The following DOCK10 variants were observed in gnomAD, a reference collection of about 807,000 sequenced individuals.
DOCK10 encodes the protein dedicator of cytokinesis 10, also known as dedicator of cytokinesis protein 10.
DOCK10 carries 145 observed loss-of-function variants against 280.1 expected under a neutral mutation model. The ratio of observed to expected loss-of-function variants is 0.52; its 90% CI spans 0.45 to 0.59. The LOEUF is 0.59. DOCK10 is among the 20% of genes least tolerant of loss of function. The pLI, the probability that DOCK10 is intolerant of heterozygous loss-of-function variation, is 0.00. For missense variants in DOCK10, 2,368 were observed against 2,651.7 expected (o/e 0.89, Z 2.35); for synonymous variants, 915 against 942.2 (o/e 0.97, Z 0.53).
At chr2:224,833,750 G>A (rs1559515605) in intron 26 of DOCK10, among the ~76,000 whole-genome samples, 2 of 151,922 alleles carry the variant, frequency 1.3e-5, no homozygotes, top group African/African-American at 4.8e-5. Flanking sequence ...GGGTTCAAGC[G>A]ATTCCCCTGC....
chr2:224,876,072 C>G lies in DOCK10; in HGVS notation c.897G>C (p.Gly299=). Residue 299 remains glycine, a synonymous_variant, in exon 8 of 56, where the codon GGG becomes GGC. Transcript: ENST00000258390. Reference sequence around the variant, plus strand: ...GATCAGTGAGCTCTGTGCTCCTCCTCCCTTGGAGGGGCCCCTCAGGACTGA... The same window carrying G: ...GATCAGTGAGCTCTGTGCTCCTCCTGCCTTGGAGGGGCCCCTCAGGACTGA... ...LQISPEGPLQ[G]RRSTELTDLG... 1 of 1,613,840 alleles carries G rather than the reference C, an allele frequency of 6.2e-7. No individual in the cohort carries two copies. The highest frequency in any genetic ancestry group is 8.5e-7 in the Non-Finnish European group (1 of 1,179,824).
intron 1 of DOCK10, among the ~76,000 whole-genome samples, chr2:225,035,531 T>C (rs1278687485): frequency 2.4e-5 from 2 of 82,724 alleles, no homozygotes; most frequent in East Asian, 5.2e-4. Context: ...TCTTATATGA[T>C]ATGATATATA....
At chr2:224,838,020 C>T (rs1161339235) in intron 24 of DOCK10, among the ~76,000 whole-genome samples, 189 bp from the exon 25 acceptor site, 2 of 152,208 alleles carry the variant, frequency 1.3e-5, no homozygotes, top group Admixed American at 6.5e-5. Flanking sequence ...TCTATAGCAT[C>T]AATGAGCCAT....
At chr2:224,792,872 T>G in intron 47 of DOCK10, 102 bp downstream of exon 47, 3 of 877,092 alleles carry the variant, frequency 3.4e-6, no homozygotes, top group East Asian at 2.6e-5. Context: ...TGAGACAGTT[T>G]TTGCTTCTAA....
At chr2:224,868,665 C>T (rs765049521) in intron 11 of DOCK10, among the ~76,000 whole-genome samples, 6 of 152,046 alleles carry the variant, frequency 3.9e-5, no homozygotes, top group East Asian at 1.9e-4. Flanking sequence ...GCAATACTTG[C>T]CAGCTCCCTT....
At chr2:224,825,521 A>C (rs543374501) in intron 27 of DOCK10, among the ~76,000 whole-genome samples, 65 of 152,274 alleles carry the variant, frequency 4.3e-4, no homozygotes, top group African/African-American at 1.5e-3. Flanking sequence ...ATCAAAGCAC[A>C]CTTTTAATTT....
chr2:224,816,198 C>T (rs897400566), intron 30 of DOCK10, among the ~76,000 whole-genome samples: 29 of 149,008 alleles, frequency 1.9e-4, no homozygotes, highest in African/African-American at 6.8e-4. Context: ...ATACTCTCTA[C>T]CATAATACAT....
Position 224,852,392 on chromosome 2 carries a change from A to G in DOCK10, c.2127T>C (p.Ser709=), listed in dbSNP as rs1320061511. ...CTTGGCTCACCTTCAGGGGCTTGGC[A>G]CTTTCTTCATCTGAATTTTTGAATT... The part of the protein sequence containing the change: ...CIEFKNSDEE[S]AKPLKCIYGK... The change falls in exon 18 of 56, where the codon AGT becomes AGC. Residue 709 remains serine (S), a synonymous_variant. Transcript: ENST00000258390. 2 of 1,572,788 alleles carry G rather than the reference A, an allele frequency of 1.3e-6. No homozygotes were observed. Among genetic ancestry groups the G allele is most frequent in the Admixed American group, 3.7e-5 (2 of 53,986 alleles).
At chr2:224,974,815 A>ATATAAT (rs1358876230) in intron 1 of DOCK10, among the ~76,000 whole-genome samples, 1 of 130,226 alleles carries the variant, frequency 7.7e-6, no homozygotes. Flanking sequence ...TATATTATAT[A>ATATAAT]TATAATATAT....
At chr2:224,833,663 C>T (rs1018817990) in intron 26 of DOCK10, among the ~76,000 whole-genome samples, 1 of 151,880 alleles carries the variant, frequency 6.6e-6, no homozygotes, top group African/African-American at 2.4e-5. Flanking sequence ...GTATCTCTCT[C>T]TCTCTCTCTC....
chr2:224,799,395 A>G (rs1454565159), intron 41 of DOCK10, among the ~76,000 whole-genome samples: 1 of 152,216 alleles, frequency 6.6e-6, no homozygotes, highest in Non-Finnish European at 1.5e-5. Flanking sequence ...ACAGATTTTT[A>G]AATCTATTCA....
At chr2:224,972,312 G>A (rs778170253) in intron 1 of DOCK10, among the ~76,000 whole-genome samples, 5 of 152,154 alleles carry the variant, frequency 3.3e-5, no homozygotes, top group Non-Finnish European at 5.9e-5. Context: ...AAGCAAAGAA[G>A]GCCCTTGATT....
chr2:224,905,604 A>G (rs1203560411), intron 3 of DOCK10, among the ~76,000 whole-genome samples: 1 of 152,164 alleles, frequency 6.6e-6, no homozygotes, highest in Non-Finnish European at 1.5e-5. Context: ...AAGAATTCTA[A>G]TATTTTTATT....
At chr2:224,793,302 A>G (rs892781648) in intron 46 of DOCK10, 98 bp downstream of exon 46, 8 of 1,034,340 alleles carry the variant, frequency 7.7e-6, no homozygotes, top group Admixed American at 6.9e-5. Flanking sequence ...TTACTTAAAC[A>G]TAACAGATTA....
chr2:224,859,350 C>T (rs189377057), intron 14 of DOCK10, among the ~76,000 whole-genome samples: 24 of 152,302 alleles, frequency 1.6e-4, no homozygotes, highest in African/African-American at 5.8e-4. Context: ...AGGATGCTGG[C>T]ACCTAGGATT....
Position 224,963,894 on chromosome 2 carries a change from ACTT to A in DOCK10, c.124-32229_124-32227del, listed in dbSNP as rs370478029. Among the ~76,000 whole-genome samples the A allele has an allele frequency of 4.5e-3, 686 of 152,128 alleles. 7 individuals are homozygous for A. The highest frequency in any genetic ancestry group is 0.014 in the African/African-American group (578 of 41,480). ...TTCTTCATTATCTACATTTTACATG[ACTT>A]CTTCTTGCAAAGGGAAGAATTTGAT... On this transcript the variant is annotated intron_variant, in intron 1 of 55. Coordinates refer to ENST00000258390, the MANE Select transcript of DOCK10 (RefSeq NM_014689.3).
At chr2:224,870,815 A>ATTTTTTTTTTTTTTT (rs71410336) in intron 11 of DOCK10, among the ~76,000 whole-genome samples, 10 of 52,612 alleles carry the variant, frequency 1.9e-4, no homozygotes, top group East Asian at 4.3e-4. Context: ...TGGCCACTCC[A>ATTTTTTTTTTTTTTT]TTTTTTTTTT....
chr2:224,841,741 T>G (rs1695976543), intron 23 of DOCK10, 63 bp downstream of exon 23: 3 of 1,156,604 alleles, frequency 2.6e-6, no homozygotes, highest in African/African-American at 3.0e-5. Context: ...GTGGAAAATG[T>G]AAAAGTCTCT....
At chr2:225,019,323 C>G (rs892720445) in intron 1 of DOCK10, among the ~76,000 whole-genome samples, 1 of 152,028 alleles carries the variant, frequency 6.6e-6, no homozygotes, top group Admixed American at 6.6e-5. Flanking sequence ...TACCACACTC[C>G]CCAACTAAAT....
Sources: allele counts gnomAD v4.1 joint callset (sites outside exome capture counted in the v4.1 genomes callset), GRCh38; gene constraint gnomAD v4.1.1; transcripts MANE v1.5; gene names NCBI Gene and HGNC (gene_info 2026-07-23, HGNC 2026-07-21).